The following TRABD2B variants were observed in gnomAD, a reference collection of about 807,000 sequenced individuals.
TRABD2B encodes the protein metalloprotease TIKI2.
Under a neutral mutation model 40.1 loss-of-function variants are expected in TRABD2B, and 14 were observed. That is an observed-to-expected ratio of 0.35 (90% confidence interval 0.23 to 0.55). TRABD2B has a LOEUF of 0.55. Among genes scored for constraint, TRABD2B ranks in the 20% least tolerant of loss-of-function variants. The pLI is 0.90. For missense variants in TRABD2B, 541 were observed against 648.6 expected (o/e 0.83, Z 1.80); for synonymous variants, 263 against 277.0 (o/e 0.95, Z 0.50).
intron 2 of TRABD2B, among the ~76,000 whole-genome samples, chr1:47,935,296 C>A (rs1645092142): frequency 6.6e-6 from 1 of 152,184 alleles, no homozygotes. Context: ...AAGGGAGTTG[C>A]TTAAGGTCAA....
chr1:47,899,696 G>A (rs947632771), intron 2 of TRABD2B, among the ~76,000 whole-genome samples: 2 of 152,192 alleles, frequency 1.3e-5, no homozygotes, highest in Non-Finnish European at 2.9e-5. Flanking sequence ...AGTGGTGGTG[G>A]TGGTGGTGTG....
intron 2 of TRABD2B, among the ~76,000 whole-genome samples, chr1:47,969,962 CCTT>C (rs2148421478): frequency 6.6e-6 from 1 of 152,258 alleles, no homozygotes; most frequent in East Asian, 1.9e-4. Context: ...AGCCTGACCT[CCTT>C]GTTGTTCTGG....
chr1:47,860,334 C>T (rs1643948350), intron 2 of TRABD2B, among the ~76,000 whole-genome samples: 1 of 152,166 alleles, frequency 6.6e-6, no homozygotes, highest in Non-Finnish European at 1.5e-5. Flanking sequence ...ACAAGCTCAC[C>T]CTGATGGTGT....
intron 2 of TRABD2B, among the ~76,000 whole-genome samples, chr1:47,871,665 C>T (rs1644142767): frequency 1.3e-5 from 2 of 152,220 alleles, no homozygotes; most frequent in South Asian, 4.1e-4. Context: ...CTGCCCACTT[C>T]ACAGGTAGGG....
At chr1:47,926,266 G>T (rs2124749458) in intron 2 of TRABD2B, among the ~76,000 whole-genome samples, 1 of 152,346 alleles carries the variant, frequency 6.6e-6, no homozygotes, top group South Asian at 2.1e-4. Context: ...CAGAGGAAAA[G>T]GCACCGAGGC....
chr1:47,815,563 C>G (rs1441422848), intron 2 of TRABD2B, among the ~76,000 whole-genome samples: 1 of 152,198 alleles, frequency 6.6e-6, no homozygotes, highest in East Asian at 1.9e-4. Context: ...ACCACTTGTC[C>G]ACAGCCCAAG....
At position 47,801,553 on chromosome 1, in the gene TRABD2B, A is replaced by G; in HGVS notation, c.733T>C (p.Ser245Pro). Residue 245 changes from serine to proline, a missense_variant, in exon 3 of 7, where the codon TCC becomes CCC. By Grantham distance (74) the Ser-to-Pro change is moderately conservative. Around this residue, in one of 2 missense-constraint regions of TRABD2B, gnomAD observed 369 missense variants for 492.8 expected, o/e 0.75. Transcript: ENST00000606738. ...ESVRAGSLQA[S>P]YTTEDLIKHY... ...TTGATGAGGTCCTCCGTGGTGTAGG[A>G]GGCCTGCAGGCTCCCGGCCCGCACA... is the stretch of plus-strand genomic sequence containing the variant. 1 of 1,536,012 alleles carries G rather than the reference A, an allele frequency of 6.5e-7. No individual in the cohort carries two copies. The highest frequency in any genetic ancestry group is 8.7e-7 in the Non-Finnish European group (1 of 1,146,856).
intron 2 of TRABD2B, among the ~76,000 whole-genome samples, chr1:47,934,335 A>T (rs2148347097): frequency 6.6e-6 from 1 of 152,146 alleles, no homozygotes; most frequent in African/African-American, 2.4e-5. Context: ...CCCCATTCCC[A>T]CACCCCCTCC....
chr1:47,890,435 A>G (rs1298559611), intron 2 of TRABD2B, among the ~76,000 whole-genome samples: 1 of 152,168 alleles, frequency 6.6e-6, no homozygotes, highest in African/African-American at 2.4e-5. Flanking sequence ...CATTGTGCTC[A>G]AGCCTTGCTG....
chr1:47,991,291 G>A (rs77812597), intron 2 of TRABD2B, among the ~76,000 whole-genome samples: 1,545 of 152,246 alleles, frequency 0.01, 40 homozygotes, highest in African/African-American at 0.035. Flanking sequence ...GGAGCCTCCT[G>A]CAGGGTGCCT....
At chr1:47,931,259 G>C (rs1645036413) in intron 2 of TRABD2B, among the ~76,000 whole-genome samples, 1 of 152,136 alleles carries the variant, frequency 6.6e-6, no homozygotes, top group Non-Finnish European at 1.5e-5. Context: ...CTTCAGCTTT[G>C]GAGTCCTAGA....
intron 2 of TRABD2B, among the ~76,000 whole-genome samples, chr1:47,946,184 A>G (rs1202957311): frequency 2.0e-5 from 3 of 152,190 alleles, no homozygotes; most frequent in African/African-American, 4.8e-5. Context: ...TGCCATTCAT[A>G]TATCTTCTTT....
chr1:47,871,324 C>T (rs1389169638), intron 2 of TRABD2B, among the ~76,000 whole-genome samples: 3 of 152,162 alleles, frequency 2.0e-5, no homozygotes, highest in East Asian at 1.9e-4. Flanking sequence ...CAGATCCTCC[C>T]CTGCCCTCAA....
At position 47,801,542 on chromosome 1, in the gene TRABD2B, C is replaced by T. The variant is rs918051247; in HGVS notation, c.744G>A (p.Thr248=). 17 of 1,535,928 alleles carry T rather than the reference C, an allele frequency of 1.1e-5. No homozygotes were observed. The highest frequency in any genetic ancestry group is 7.8e-5 in the Admixed American group (4 of 50,980). The change falls in exon 3 of 7, where the codon ACG becomes ACA. Residue 248 remains threonine (T), a synonymous_variant. Transcript: ENST00000606738. ...RAGSLQASYT[T]EDLIKHYNCG... ...AGTTGTAGTGCTTGATGAGGTCCTC[C>T]GTGGTGTAGGAGGCCTGCAGGCTCC...
rs1392059970 is a variant in TRABD2B at position 47,994,513 on chromosome 1, G to A, written c.187C>T (p.Arg63Cys). The A allele has an allele frequency of 3.9e-6, 6 of 1,536,152 alleles. No individual in the cohort carries two copies. Among genetic ancestry groups the A allele is most frequent in the South Asian group, 1.2e-5 (1 of 84,054 alleles). Residue 63 changes from arginine (R) to cysteine (C), a missense_variant, in exon 2 of 7, where the codon CGC (arginine) becomes TGC (cysteine). Physicochemically the swap from Arg to Cys is radical, Grantham distance 180 (BLOSUM62 -3). Transcript: ENST00000606738. This position sits in a 1 kb window ranked among gnomAD's most constrained non-coding sequence, Gnocchi z 6.7. The stretch of plus-strand genomic sequence containing the variant: ...TTGTCCGGGATGAAGTCCCAGACGC[G>A]GGTGTAGGGGACGTGAATAGTGCCA... Reference protein sequence around the residue: ...LFGTIHVPYTRVWDFIPDNSK... With the variant: ...LFGTIHVPYTCVWDFIPDNSK...
chr1:47,962,298 T>C (rs749600425), intron 2 of TRABD2B, among the ~76,000 whole-genome samples: 7 of 152,136 alleles, frequency 4.6e-5, no homozygotes, highest in Non-Finnish European at 8.8e-5. Flanking sequence ...AACAACGTGG[T>C]ACATGTATAC....
chr1:47,924,795 C>T (rs1434181809), intron 2 of TRABD2B, among the ~76,000 whole-genome samples: 2 of 152,226 alleles, frequency 1.3e-5, no homozygotes, highest in Non-Finnish European at 2.9e-5. Flanking sequence ...CTGGGGCCAT[C>T]TAGGGCAGAG....
chr1:47,765,896 C>T lies in TRABD2B; in HGVS notation c.*6G>A, dbSNP rs1027232730. 33 of 702,794 alleles carry T rather than the reference C, an allele frequency of 4.7e-5. No individual in the cohort carries two copies. In the African/African-American group the frequency reaches 5.6e-4, roughly 12 times the overall value. 43.5% of individuals were successfully genotyped at this position (702,794 alleles called of 1,614,324 possible). On this transcript the variant is annotated 3_prime_UTR_variant, in exon 7 of 7. Transcript: ENST00000606738. Reference sequence around the variant, plus strand: ...TCTCTGGCTTCTCCACTTGGGGTGGCCGAGGTCAGGAGGGCCCAAGGCTAT... The same window carrying T: ...TCTCTGGCTTCTCCACTTGGGGTGGTCGAGGTCAGGAGGGCCCAAGGCTAT...
chr1:47,840,923 A>G (rs1570098433), intron 2 of TRABD2B, among the ~76,000 whole-genome samples: 1 of 152,148 alleles, frequency 6.6e-6, no homozygotes. Context: ...GACCTTCTGA[A>G]CCCTGGGCTG....
Sources: gnomAD v4.1 joint callset for allele counts (sites outside exome capture counted in the v4.1 genomes callset) on GRCh38, gnomAD v4.1.1 for gene constraint, gnomAD v4.1.1 regional missense constraint, Gnocchi (gnomAD v3.1) non-coding constraint, MANE v1.5 for transcripts, NCBI Gene and HGNC (gene_info 2026-07-23, HGNC 2026-07-21) for gene names.